CDKAL1: variants seen among roughly 807,000 people sequenced by gnomAD.
The protein encoded by CDKAL1 is threonylcarbamoyladenosine tRNA methylthiotransferase.
In CDKAL1, 32 loss-of-function variants were observed where a neutral mutation model predicts 68.2. That is an observed-to-expected ratio of 0.47 (90% confidence interval 0.35 to 0.63). The LOEUF is 0.63. Among genes scored for constraint, CDKAL1 ranks in the 30% least tolerant of loss-of-function variants. The probability of loss-of-function intolerance (pLI) is 0.00; values close to 1 mark genes in which losing one functional copy is unlikely to be tolerated. For missense variants in CDKAL1, 606 were observed against 696.7 expected, an observed-to-expected ratio of 0.87 and a Z score of 1.47; for synonymous variants, 234 against 244.3, an observed-to-expected ratio of 0.96 and a Z score of 0.39.
At chr6:20,616,967 G>C (rs571879038) in intron 4 of CDKAL1, among the ~76,000 whole-genome samples, 4 of 149,640 alleles carry the variant, frequency 2.7e-5, no homozygotes, top group African/African-American at 4.9e-5. Context: ...CTGAGTGCAC[G>C]AAGTTGAGGC....
At chr6:20,724,869 C>G (rs1439908495) in intron 5 of CDKAL1, among the ~76,000 whole-genome samples, 1 of 152,226 alleles carries the variant, frequency 6.6e-6, no homozygotes, top group African/African-American at 2.4e-5. Flanking sequence ...ATAAGTATCT[C>G]ATAAACCTTA....
At chr6:21,213,049 C>T (rs62404548) in intron 15 of CDKAL1, among the ~76,000 whole-genome samples, 10 of 152,152 alleles carry the variant, frequency 6.6e-5, no homozygotes, top group Non-Finnish European at 1.0e-4. Context: ...GCCCCTGGCT[C>T]CCAGGGCTTC....
intron 8 of CDKAL1, among the ~76,000 whole-genome samples, chr6:20,815,681 A>G (rs1457547018): frequency 3.3e-5 from 5 of 152,298 alleles, no homozygotes; most frequent in Non-Finnish European, 7.3e-5. Flanking sequence ...TGTTCATTAA[A>G]AAAAGGTTTA....
chr6:21,033,912 A>G (rs1769431494), intron 11 of CDKAL1, among the ~76,000 whole-genome samples: 1 of 152,186 alleles, frequency 6.6e-6, no homozygotes, highest in Admixed American at 6.5e-5. Flanking sequence ...TCATAATTTC[A>G]TCAGCATGCT....
intron 15 of CDKAL1, among the ~76,000 whole-genome samples, chr6:21,226,384 T>C (rs1489002529): frequency 2.0e-5 from 3 of 152,046 alleles, no homozygotes; most frequent in Admixed American, 1.3e-4. Flanking sequence ...TTTTGAAAAT[T>C]AGTAGATTAT....
chr6:21,214,224 A>G (rs1205194946), intron 15 of CDKAL1, among the ~76,000 whole-genome samples: 1 of 152,142 alleles, frequency 6.6e-6, no homozygotes, highest in Admixed American at 6.6e-5. Context: ...GGGTGATAAC[A>G]TTTTGGAAAT....
chr6:20,576,753 C>T (rs1194221035), intron 4 of CDKAL1, among the ~76,000 whole-genome samples: 1 of 152,100 alleles, frequency 6.6e-6, no homozygotes, highest in East Asian at 1.9e-4. Context: ...GGACTGACAC[C>T]TCCCACTTGA....
chr6:21,013,887 A>G (rs1224101709), intron 11 of CDKAL1, among the ~76,000 whole-genome samples: 1 of 152,178 alleles, frequency 6.6e-6, no homozygotes, highest in African/African-American at 2.4e-5. Context: ...TCACTTTCTC[A>G]CATTAAAAAA....
chr6:20,606,562 G>A (rs1053940913), intron 4 of CDKAL1, among the ~76,000 whole-genome samples: 2 of 152,196 alleles, frequency 1.3e-5, no homozygotes, highest in Non-Finnish European at 2.9e-5. Flanking sequence ...TGAGAAAAGT[G>A]AAGAATCAAA....
intron 2 of CDKAL1, among the ~76,000 whole-genome samples, chr6:20,544,411 C>T (rs1763507824): frequency 6.6e-6 from 1 of 151,516 alleles, no homozygotes; most frequent in African/African-American, 2.4e-5. Flanking sequence ...TCCTGGCTAA[C>T]ACGGTGAAAC....
intron 11 of CDKAL1, among the ~76,000 whole-genome samples, chr6:21,010,821 C>A (rs568067880): frequency 6.6e-6 from 1 of 152,264 alleles, no homozygotes; most frequent in African/African-American, 2.4e-5. Flanking sequence ...CGATGGTTCA[C>A]GCCTGTAACC....
intron 9 of CDKAL1, among the ~76,000 whole-genome samples, chr6:20,872,952 C>T (rs1005174794): frequency 6.6e-6 from 1 of 151,984 alleles, no homozygotes; most frequent in African/African-American, 2.4e-5. Flanking sequence ...AGGGTTGTGT[C>T]GGTAATGGAA....
chr6:20,753,957 A>ATGTGTGTGTGTGTG (rs112105313), intron 6 of CDKAL1, among the ~76,000 whole-genome samples: 1,810 of 147,780 alleles, frequency 0.012, 15 homozygotes, highest in Non-Finnish European at 0.018. Context: ...TATTATCTGT[A>ATGTGTGTGTGTGTG]TGTGTGTGTG....
intron 15 of CDKAL1, among the ~76,000 whole-genome samples, chr6:21,203,214 A>T (rs1778759773): frequency 1.2e-5 from 1 of 82,702 alleles, no homozygotes; most frequent in Non-Finnish European, 2.4e-5. Flanking sequence ...CATCCTGGCT[A>T]ATTTTTTTTT....
chr6:20,567,937 G>A (rs1324097921), intron 4 of CDKAL1, among the ~76,000 whole-genome samples: 2 of 151,304 alleles, frequency 1.3e-5, no homozygotes, highest in East Asian at 2.0e-4. Context: ...GTGCAGTGGC[G>A]CGATCTCGGC....
intron 11 of CDKAL1, among the ~76,000 whole-genome samples, chr6:21,034,893 G>A (rs1252592453): frequency 6.6e-6 from 1 of 152,012 alleles, no homozygotes; most frequent in Non-Finnish European, 1.5e-5. Context: ...AAAGGCACAA[G>A]GTGTAAAAAT....
At chr6:20,950,067 G>A (rs1764448200) in intron 9 of CDKAL1, among the ~76,000 whole-genome samples, 1 of 152,082 alleles carries the variant, frequency 6.6e-6, no homozygotes, top group Non-Finnish European at 1.5e-5. Flanking sequence ...TAGGATGGCA[G>A]GCACGAGCGC....
chr6:20,741,096 A>G (rs1010821180), intron 6 of CDKAL1, among the ~76,000 whole-genome samples: 1 of 152,094 alleles, frequency 6.6e-6, no homozygotes, highest in African/African-American at 2.4e-5. Context: ...ATTTTTTAAA[A>G]TGCCATTGTG....
intron 13 of CDKAL1, among the ~76,000 whole-genome samples, chr6:21,164,985 T>C (rs934287039): frequency 1.3e-5 from 2 of 152,238 alleles, no homozygotes; most frequent in Non-Finnish European, 2.9e-5. Context: ...AATGAACGAA[T>C]AGACAGCTAA....
Sources: gnomAD v4.1 joint callset for allele counts (sites outside exome capture counted in the v4.1 genomes callset) on GRCh38, gnomAD v4.1.1 for gene constraint, MANE v1.5 for transcripts, NCBI Gene and HGNC (gene_info 2026-07-23, HGNC 2026-07-21) for gene names.